The following PPIL4 variants were observed in gnomAD, a reference collection of about 807,000 sequenced individuals.
PPIL4 encodes peptidyl-prolyl cis-trans isomerase-like 4.
Under a neutral mutation model 69.1 loss-of-function variants are expected in PPIL4, and 50 were observed. That is an observed-to-expected ratio of 0.72 (90% CI 0.58 to 0.92). The LOEUF is 0.92. Among genes scored for constraint, PPIL4 ranks in the 40% least tolerant of loss-of-function variants. PPIL4 has a pLI of 0.00. For missense variants in PPIL4, 480 were observed against 587.9 expected (o/e 0.82, Z 1.90); for synonymous variants, 193 against 191.6 (o/e 1.01, Z -0.06).
chr6:149,544,122 T>G (rs540130188), intron 1 of PPIL4, among the ~76,000 whole-genome samples: 2 of 152,250 alleles, frequency 1.3e-5, no homozygotes, highest in South Asian at 4.1e-4. Flanking sequence ...ACCCCTTTAT[T>G]TCCTCATAAC....
At chr6:149,544,857 C>A (rs905839837) in intron 1 of PPIL4, among the ~76,000 whole-genome samples, 2 of 152,110 alleles carry the variant, frequency 1.3e-5, no homozygotes, top group Non-Finnish European at 2.9e-5. Context: ...AGTTATTGTA[C>A]AATATTGCAA....
In PPIL4 at chr6:149,533,580, A is replaced by G; in HGVS notation, c.562-6T>C. The G allele has an allele frequency of 6.6e-7, 1 of 1,511,012 alleles. No homozygotes were observed. The highest frequency in any genetic ancestry group is 9.2e-7 in the Non-Finnish European group (1 of 1,089,796). 93.6% of individuals were successfully genotyped at this position (1,511,012 alleles called of 1,614,324 possible). ...TCTGCTCCTATTCGACCACTCTGTTAAGACAGAAGTTACTCATGTATATAT... is the reference window on the plus strand; with the variant it reads ...TCTGCTCCTATTCGACCACTCTGTTGAGACAGAAGTTACTCATGTATATAT... On this transcript the variant is annotated splice_region_variant and splice_polypyrimidine_tract_variant and intron_variant, in intron 6 of 12. Coordinates refer to ENST00000253329, the MANE Select transcript of PPIL4 (RefSeq NM_139126.4).
chr6:149,525,096 A>C (rs1777086856), intron 9 of PPIL4, 47 bp downstream of exon 9: 1 of 997,392 alleles, frequency 1.0e-6, no homozygotes, highest in Admixed American at 2.3e-5. Context: ...TTTTAATACC[A>C]TATAAAAGCA....
intron 7 of PPIL4, among the ~76,000 whole-genome samples, chr6:149,529,442 C>G (rs1318398400): frequency 6.6e-6 from 1 of 150,522 alleles, no homozygotes; most frequent in Non-Finnish European, 1.5e-5. Flanking sequence ...GAGCGAGAAC[C>G]TGTCTCAAAT....
chr6:149,523,906 T>C (rs1777067671), intron 9 of PPIL4, among the ~76,000 whole-genome samples: 1 of 152,200 alleles, frequency 6.6e-6, no homozygotes, highest in Non-Finnish European at 1.5e-5. Flanking sequence ...CCAATGTACC[T>C]TGTAAGTATC....
intron 4 of PPIL4, among the ~76,000 whole-genome samples, chr6:149,539,091 C>T (rs896929156): frequency 2.6e-5 from 4 of 152,168 alleles, no homozygotes; most frequent in Non-Finnish European, 5.9e-5. Context: ...AGGTGATCCG[C>T]CCCCCTCAGC....
intron 1 of PPIL4, among the ~76,000 whole-genome samples, chr6:149,544,939 G>A (rs1777416557): frequency 6.6e-6 from 1 of 152,084 alleles, no homozygotes; most frequent in South Asian, 2.1e-4. Flanking sequence ...ATCTCTCCTG[G>A]TCTCAGTTTC....
intron 7 of PPIL4, among the ~76,000 whole-genome samples, chr6:149,531,500 C>A (rs1187014328): frequency 1.4e-5 from 2 of 145,602 alleles, no homozygotes; most frequent in East Asian, 4.1e-4. Flanking sequence ...CATGCCATTG[C>A]ACTTCAACCT....
intron 12 of PPIL4, among the ~76,000 whole-genome samples, chr6:149,509,588 A>G (rs1221428427): frequency 1.3e-5 from 2 of 152,244 alleles, no homozygotes; most frequent in Non-Finnish European, 2.9e-5. Context: ...GTAATAGAGT[A>G]CAGACATTTA....
At chr6:149,543,111 G>C (rs17087775) in intron 1 of PPIL4, among the ~76,000 whole-genome samples, 1 of 152,064 alleles carries the variant, frequency 6.6e-6, no homozygotes, top group African/African-American at 2.4e-5. Flanking sequence ...ATTTATAAGC[G>C]CAACAAGGCC....
Position 149,507,465 on chromosome 6 carries a change from ATT to A in PPIL4, c.1228-1763_1228-1762del, listed in dbSNP as rs1430352208. The stretch of plus-strand genomic sequence containing the variant: ...AAATATGACATTCTGAGATAAAAGA[ATT>A]TTTGTGCTTCCTATAACATATACAA... On this transcript the variant is annotated intron_variant, in intron 12 of 12. Coordinates refer to ENST00000253329, the MANE Select transcript of PPIL4 (RefSeq NM_139126.4). 2.6e-5 allele frequency among the ~76,000 whole-genome samples: 4 copies of A among 152,204 alleles called. No individual in the cohort carries two copies. In the East Asian group the frequency reaches 5.8e-4, roughly 22 times the overall value.
intron 7 of PPIL4, 119 bp from the exon 8 acceptor site, chr6:149,526,895 G>A (rs1298710752): frequency 3.0e-6 from 3 of 992,066 alleles, no homozygotes; most frequent in Admixed American, 2.7e-5. Flanking sequence ...CAAACTGCAG[G>A]CTCTGGAAAA....
In PPIL4 at chr6:149,534,737, C is replaced by T. The variant is rs534916962; in HGVS notation, c.502G>A (p.Asp168Asn). Residue 168 changes from aspartate (D) to asparagine (N), a missense_variant, in exon 6 of 13, where the codon GAC becomes AAC. Coordinates refer to ENST00000253329, the MANE Select transcript of PPIL4 (RefSeq NM_139126.4). ...TCAGGGATTAATAAATCAGGAGGGT[C>T]ATCAAATGGATCATCTAAAATCACC... ...HTVILDDPFD[D>N]PPDLLIPDRS... The T allele has an allele frequency of 2.5e-5, 40 of 1,596,096 alleles. No homozygotes were observed. The Admixed American group carries it at 2.7e-4, about 11-fold the overall frequency.
chr6:149,510,138 G>A (rs6926874), intron 12 of PPIL4, among the ~76,000 whole-genome samples: 4,100 of 152,256 alleles, frequency 0.027, 162 homozygotes, highest in African/African-American at 0.093. Context: ...AAAACGGGAT[G>A]AGGCATGAAT....
rs149016086 is a variant in PPIL4, at chr6:149,534,690, C to A, written c.549G>T (p.Arg183Ser). 8.7e-5 allele frequency: 135 copies of A among 1,543,946 alleles called. No homozygotes were observed. Among genetic ancestry groups the A allele is most frequent in the Non-Finnish European group, 1.1e-4 (125 of 1,125,856 alleles). ...LIPDRSPEPT[R>S]EQLDSGRIGA... The stretch of plus-strand genomic sequence containing the variant: ...GGGCTTTACTTACATCTAATTGTTC[C>A]CTTGTAGGTTCTGGTGATCGATCAG... Residue 183 changes from arginine (R) to serine (S), a missense_variant, in exon 6 of 13, where the codon AGG (arginine) becomes AGT (serine). Coordinates refer to ENST00000253329, the MANE Select transcript of PPIL4 (RefSeq NM_139126.4).
rs547537551 is a variant in PPIL4, at chr6:149,526,811, C to T, written c.679-35G>A. ...AAACAAACAAAAACATAAATCAATTCCTATTTAGTTTCCATTCTAAATCCT... is the reference window on the plus strand; with the variant it reads ...AAACAAACAAAAACATAAATCAATTTCTATTTAGTTTCCATTCTAAATCCT... On this transcript the variant is annotated intron_variant, in intron 7 of 12. Coordinates refer to ENST00000253329, the MANE Select transcript of PPIL4 (RefSeq NM_139126.4). The T allele has an allele frequency of 3.1e-6, 5 of 1,599,248 alleles. No homozygotes were observed. The South Asian group carries it at 4.4e-5, about 14-fold the overall frequency.
chr6:149,515,072 G>A (rs190136751), intron 11 of PPIL4, among the ~76,000 whole-genome samples: 18 of 151,964 alleles, frequency 1.2e-4, no homozygotes, highest in African/African-American at 3.9e-4. Context: ...TCCCGACCTC[G>A]GGTGATCTGC....
intron 9 of PPIL4, among the ~76,000 whole-genome samples, chr6:149,521,732 T>C (rs537018096): frequency 6.6e-6 from 1 of 152,342 alleles, no homozygotes; most frequent in South Asian, 2.1e-4. Flanking sequence ...TGTATGTGTG[T>C]ATGCATATAT....
At chr6:149,535,870 T>A in intron 4 of PPIL4, 132 bp from the exon 5 acceptor site, 1 of 595,778 alleles carries the variant, frequency 1.7e-6, no homozygotes, top group Non-Finnish European at 2.9e-6. Context: ...AGACACTTGT[T>A]ACCAAAACTA....
Sources: gnomAD v4.1 joint callset for allele counts (sites outside exome capture counted in the v4.1 genomes callset) on GRCh38, gnomAD v4.1.1 for gene constraint, MANE v1.5 for transcripts, NCBI Gene and HGNC (gene_info 2026-07-23, HGNC 2026-07-21) for gene names.